Variants in IL4R observed in about 807,000 individuals in gnomAD.
The protein encoded by IL4R is interleukin 4 receptor.
Under a neutral mutation model 41.5 loss-of-function variants are expected in IL4R, and 17 were observed. The observed-to-expected ratio is 0.41, with a 90% CI of 0.28 to 0.61. The LOEUF is 0.61. IL4R is among the 20% of genes least tolerant of loss of function. The probability of loss-of-function intolerance (pLI) is 0.31; values close to 1 mark genes in which losing one functional copy is unlikely to be tolerated. For synonymous variants in IL4R, 402 were observed against 422.9 expected, an observed-to-expected ratio of 0.95 and a Z score of 0.61; for missense variants, 974 against 1,043.1, an observed-to-expected ratio of 0.93 and a Z score of 0.91.
chr16:27,346,020 G>A (rs2085629641), intron 5 of IL4R, among the ~76,000 whole-genome samples: 1 of 151,964 alleles, frequency 6.6e-6, no homozygotes, highest in Non-Finnish European at 1.5e-5. Flanking sequence ...AAAGGCTGAA[G>A]TTTGGGTTAC....
At chr16:27,333,507 T>A (rs1306084300) in intron 2 of IL4R, among the ~76,000 whole-genome samples, 1 of 152,126 alleles carries the variant, frequency 6.6e-6, no homozygotes, top group African/African-American at 2.4e-5. Context: ...TGGGACCTGG[T>A]GGATGGGTTA....
intron 10 of IL4R, chr16:27,361,103 G>T: frequency 8.0e-7 from 1 of 1,244,224 alleles, no homozygotes; most frequent in Non-Finnish European, 1.0e-6. Context: ...TGACCTAATT[G>T]TATACTTGTC....
Position 27,345,569 on chromosome 16 carries a change from A to G in IL4R, c.361+549A>G, listed in dbSNP as rs369987373. On this transcript the variant is annotated intron_variant, in intron 5 of 10. Transcript: ENST00000395762. The surrounding 1 kb of genome is among the most constrained non-coding windows in gnomAD (Gnocchi z 4.5). The stretch of plus-strand genomic sequence containing the variant: ...AGGTCTCATGGATATGATTGCTTCA[A>G]AGGAGACCAAGTTTTAAAACAGATG... 209 of 204,494 alleles carry G rather than the reference A, an allele frequency of 1.0e-3. 1 individual carries two copies. The highest frequency in any genetic ancestry group is 4.5e-3 in the African/African-American group (195 of 43,818). The allele number at this position is 204,494 out of a possible 1,614,324, so 12.7% of individuals were successfully genotyped here. A position where few individuals can be genotyped will look rare whatever the true frequency, so the allele number is the denominator to read the frequency against.
intron 8 of IL4R, among the ~76,000 whole-genome samples, chr16:27,356,247 A>G (rs1596532932): frequency 6.6e-6 from 1 of 151,792 alleles, no homozygotes; most frequent in Non-Finnish European, 1.5e-5. Context: ...GCATGCCACT[A>G]TGCCCGGCTA....
chr16:27,360,958 AGGAGGGGTGTTCT>A, intron 10 of IL4R, 143 bp downstream of exon 10: 1 of 1,546,612 alleles, frequency 6.5e-7, no homozygotes, highest in Non-Finnish European at 8.7e-7. Context: ...GGACGGCAGG[AGGAGGGGTGTTCT>A]GGAAACGTGG....
chr16:27,323,765 C>T (rs2084878771), intron 1 of IL4R, among the ~76,000 whole-genome samples: 1 of 152,092 alleles, frequency 6.6e-6, no homozygotes, highest in Non-Finnish European at 1.5e-5. Context: ...AAGCCATCCT[C>T]CTGCCTCATC....
chr16:27,358,424 C>G (rs1162006641), intron 8 of IL4R, among the ~76,000 whole-genome samples: 1 of 152,206 alleles, frequency 6.6e-6, no homozygotes, highest in African/African-American at 2.4e-5. Flanking sequence ...CACCATGGCC[C>G]CAGGCAGGCC....
intron 6 of IL4R, among the ~76,000 whole-genome samples, chr16:27,347,636 A>T (rs1272563253): frequency 6.6e-6 from 1 of 152,122 alleles, no homozygotes; most frequent in African/African-American, 2.4e-5. Flanking sequence ...CAGGGAGGTC[A>T]TTTCCTGCCA....
rs746593366 is a variant in IL4R, at chr16:27,345,032, G to A, written c.361+12G>A. ...GCCCAGCGAGCATGGTGAGCAGGGC[G>A]GAGTGCGGCAGGGGTGGCTGGGTGT... On this transcript the variant is annotated intron_variant, in intron 5 of 10. Transcript: ENST00000395762. This position sits in a 1 kb window ranked among gnomAD's most constrained non-coding sequence, Gnocchi z 4.5. 14 of 1,610,334 alleles carry A rather than the reference G, an allele frequency of 8.7e-6. No homozygotes were observed. The highest frequency in any genetic ancestry group is 5.0e-5 in the Admixed American group (3 of 59,922).
intron 2 of IL4R, among the ~76,000 whole-genome samples, chr16:27,331,019 C>G (rs2085099419): frequency 1.3e-5 from 2 of 151,906 alleles, no homozygotes; most frequent in Admixed American, 1.3e-4. Flanking sequence ...CAGGGTGAGC[C>G]TCATCTGCAG....
At chr16:27,327,586 G>C (rs553383755) in intron 1 of IL4R, among the ~76,000 whole-genome samples, 1 of 152,130 alleles carries the variant, frequency 6.6e-6, no homozygotes, top group East Asian at 1.9e-4. Context: ...CAGGCCAATG[G>C]GTCTCAGGCC....
chr16:27,340,984 G>C, intron 3 of IL4R: 1 of 483,176 alleles, frequency 2.1e-6, no homozygotes, highest in East Asian at 4.5e-5. Flanking sequence ...GAGCAGTGAA[G>C]GTCAGCAAGG....
intron 10 of IL4R, among the ~76,000 whole-genome samples, chr16:27,361,970 A>G (rs775018550): frequency 1.3e-5 from 2 of 152,056 alleles, no homozygotes; most frequent in African/African-American, 2.4e-5. Flanking sequence ...GTTGCTTTTA[A>G]TTATCATCAT....
chr16:27,335,265 C>T (rs895501784), intron 2 of IL4R, among the ~76,000 whole-genome samples: 2 of 152,084 alleles, frequency 1.3e-5, no homozygotes, highest in South Asian at 2.1e-4. Flanking sequence ...TGTATTGTAA[C>T]GTTCATTGAT....
chr16:27,362,636 G>A lies in IL4R; in HGVS notation c.1284G>A (p.Gly428=). ...ENGGFCQQDM[G]ESCLLPPSGS... is the part of the protein sequence containing the mutation. ...GGGGCTTTTGCCAGCAGGACATGGG[G>A]GAGTCATGCCTTCTTCCACCTTCGG... The change falls in exon 11 of 11, where the codon GGG becomes GGA. Residue 428 remains glycine (G), a synonymous_variant. Coordinates refer to ENST00000395762, the MANE Select transcript of IL4R (RefSeq NM_000418.4). 1 of 1,614,136 alleles carries A rather than the reference G, an allele frequency of 6.2e-7. No individual in the cohort carries two copies. Among genetic ancestry groups the A allele is most frequent in the African/African-American group, 1.3e-5 (1 of 75,020 alleles).
chr16:27,325,185 T>C, intron 1 of IL4R, among the ~76,000 whole-genome samples: 1 of 151,004 alleles, frequency 6.6e-6, no homozygotes, highest in Non-Finnish European at 1.5e-5. Context: ...AGGGCCCCGC[T>C]TGTAGGGTGG....
intron 10 of IL4R, 87 bp downstream of exon 10, chr16:27,360,902 T>C (rs1448868995): frequency 1.2e-6 from 2 of 1,611,236 alleles, no homozygotes; most frequent in East Asian, 4.5e-5. Flanking sequence ...ATGTCTGCCT[T>C]CTCTTCCCTG....
chr16:27,348,351 C>A (rs756518944), intron 6 of IL4R, among the ~76,000 whole-genome samples: 2 of 152,172 alleles, frequency 1.3e-5, no homozygotes, highest in Non-Finnish European at 2.9e-5. Flanking sequence ...CTGTGCAAGA[C>A]CTACAGAGAG....
At chr16:27,353,898 C>T (rs1009373407) in intron 7 of IL4R, among the ~76,000 whole-genome samples, 1 of 152,172 alleles carries the variant, frequency 6.6e-6, no homozygotes, top group Non-Finnish European at 1.5e-5. Context: ...CCCCTGAATT[C>T]TACCTGCAGC....
Sources: allele counts gnomAD v4.1 joint callset (sites outside exome capture counted in the v4.1 genomes callset), GRCh38; gene constraint gnomAD v4.1.1; non-coding constraint Gnocchi (gnomAD v3.1); transcripts MANE v1.5; gene names NCBI Gene and HGNC (gene_info 2026-07-23, HGNC 2026-07-21).